The following CDH13 variants were observed in gnomAD, a reference collection of about 807,000 sequenced individuals.
CDH13 encodes the protein cadherin-13.
In CDH13, 24 loss-of-function variants were observed where a neutral mutation model predicts 63.8. That is an observed-to-expected ratio of 0.38 (90% CI 0.27 to 0.53). The LOEUF is 0.53. CDH13 is among the 20% of genes least tolerant of loss of function. CDH13 has a pLI of 0.85. For synonymous variants in CDH13, 503 were observed against 355.3 expected (o/e 1.42, Z -4.67); for missense variants, 1,049 against 903.1 (o/e 1.16, Z -2.07).
At chr16:82,943,538 T>G (rs1295444061) in intron 2 of CDH13, among the ~76,000 whole-genome samples, 1 of 152,206 alleles carries the variant, frequency 6.6e-6, no homozygotes, top group Non-Finnish European at 1.5e-5. Flanking sequence ...ATAGGCCCTT[T>G]CTTCCTTCCA....
intron 1 of CDH13, among the ~76,000 whole-genome samples, chr16:82,769,914 G>A (rs1480866703): frequency 6.6e-6 from 1 of 152,134 alleles, no homozygotes; most frequent in Non-Finnish European, 1.5e-5. Context: ...TGAGATTAAC[G>A]AGCCCATGAA....
chr16:82,664,311 T>G (rs918229986), intron 1 of CDH13, among the ~76,000 whole-genome samples: 8 of 152,226 alleles, frequency 5.3e-5, no homozygotes, highest in African/African-American at 1.9e-4. Flanking sequence ...GCATCCTGCT[T>G]CACTCTTGTC....
At chr16:83,005,052 A>C (rs1260384939) in intron 2 of CDH13, among the ~76,000 whole-genome samples, 2 of 152,184 alleles carry the variant, frequency 1.3e-5, no homozygotes, top group Non-Finnish European at 2.9e-5. Context: ...CCTGTTGAGC[A>C]GAGCTGAGTC....
At chr16:82,789,117 A>G (rs2036164018) in intron 1 of CDH13, among the ~76,000 whole-genome samples, 1 of 151,992 alleles carries the variant, frequency 6.6e-6, no homozygotes, top group African/African-American at 2.4e-5. Flanking sequence ...ACCTTTTTCC[A>G]TTTGTCTTGG....
intron 8 of CDH13, among the ~76,000 whole-genome samples, chr16:83,627,314 AT>A (rs1026389675): frequency 2.6e-5 from 4 of 152,080 alleles, no homozygotes; most frequent in Non-Finnish European, 5.9e-5. Flanking sequence ...AAAGATTCCT[AT>A]TCATGGACCT....
chr16:83,418,311 T>C (rs963247408), intron 6 of CDH13, among the ~76,000 whole-genome samples: 1 of 152,186 alleles, frequency 6.6e-6, no homozygotes, highest in Admixed American at 6.5e-5. Flanking sequence ...CAGTAACTGT[T>C]ACCAGCTGAA....
chr16:83,305,197 T>G (rs1325219634), intron 5 of CDH13, among the ~76,000 whole-genome samples: 1 of 152,160 alleles, frequency 6.6e-6, no homozygotes, highest in African/African-American at 2.4e-5. Context: ...GCTGACTCAT[T>G]TGTAGGCATC....
chr16:83,226,637 C>T (rs1178623914), intron 5 of CDH13, among the ~76,000 whole-genome samples: 2 of 152,172 alleles, frequency 1.3e-5, no homozygotes, highest in African/African-American at 4.8e-5. Context: ...AATTACTTGG[C>T]GGCATTTTCT....
chr16:83,511,157 C>G (rs1008536480), intron 7 of CDH13, among the ~76,000 whole-genome samples: 3 of 152,130 alleles, frequency 2.0e-5, no homozygotes, highest in African/African-American at 7.2e-5. Context: ...TGCACACACG[C>G]TCACACACAC....
chr16:83,148,915 A>G (rs2036862013), intron 4 of CDH13, among the ~76,000 whole-genome samples: 1 of 152,222 alleles, frequency 6.6e-6, no homozygotes, highest in Admixed American at 6.5e-5. Flanking sequence ...TAGCCTAAAG[A>G]AAATCTTATT....
At chr16:82,866,373 T>A (rs1229523783) in intron 2 of CDH13, among the ~76,000 whole-genome samples, 1 of 125,222 alleles carries the variant, frequency 8.0e-6, no homozygotes, top group East Asian at 4.8e-4. Context: ...TTCTTTTTCT[T>A]CTTCTTTTTT....
chr16:83,596,232 G>A (rs1225561718), intron 7 of CDH13, among the ~76,000 whole-genome samples: 2 of 152,214 alleles, frequency 1.3e-5, no homozygotes, highest in Non-Finnish European at 2.9e-5. Context: ...GACAAGTGAA[G>A]AGGCAGGTTG....
At chr16:82,667,528 G>C (rs1420688579) in intron 1 of CDH13, among the ~76,000 whole-genome samples, 2 of 152,170 alleles carry the variant, frequency 1.3e-5, no homozygotes, top group Non-Finnish European at 2.9e-5. Flanking sequence ...GTGCATGTAT[G>C]ATGGGGCTCC....
intron 1 of CDH13, among the ~76,000 whole-genome samples, chr16:82,674,526 G>C (rs762583847): frequency 6.6e-6 from 1 of 152,234 alleles, no homozygotes; most frequent in Non-Finnish European, 1.5e-5. Flanking sequence ...GCAAGTGCCT[G>C]AGTTGAAAAT....
intron 1 of CDH13, chr16:82,824,483 C>A (rs563475959): frequency 6.6e-6 from 1 of 152,084 alleles, no homozygotes; most frequent in Admixed American, 6.5e-5. Context: ...AGGCAGTAAC[C>A]ATCAATAAAA....
intron 1 of CDH13, among the ~76,000 whole-genome samples, chr16:82,744,173 C>T (rs1447039185): frequency 1.3e-5 from 2 of 152,194 alleles, no homozygotes; most frequent in East Asian, 1.9e-4. Context: ...GGATGGCAGC[C>T]TCTGCCAGCA....
intron 1 of CDH13, among the ~76,000 whole-genome samples, chr16:82,703,533 AG>A (rs1430093894): frequency 6.6e-6 from 1 of 152,214 alleles, no homozygotes; most frequent in Non-Finnish European, 1.5e-5. Flanking sequence ...AATGAGCTCC[AG>A]TAGCCCACAG....
In CDH13 at chr16:82,920,265, T is replaced by C. The variant is rs74033621; in HGVS notation, c.157+61792T>C. 8.2e-3 allele frequency among the ~76,000 whole-genome samples: 1,255 copies of C among 152,312 alleles called. 18 individuals are homozygous for C. The highest frequency in any genetic ancestry group is 0.029 in the African/African-American group (1,201 of 41,572). On this transcript the variant is annotated intron_variant, in intron 2 of 13. Transcript: ENST00000567109. The stretch of plus-strand genomic sequence containing the variant: ...GTCACCCCTTCCCAAACCTCTTACA[T>C]GTTTTTATTTTCCCATAAGTTCTCC...
intron 7 of CDH13, among the ~76,000 whole-genome samples, chr16:83,510,216 T>C (rs1477612877): frequency 6.6e-6 from 1 of 152,174 alleles, no homozygotes; most frequent in Admixed American, 6.5e-5. Flanking sequence ...GTGAAGAACA[T>C]TTTTTATTCA....
Sources: allele counts gnomAD v4.1 joint callset (sites outside exome capture counted in the v4.1 genomes callset), GRCh38; gene constraint gnomAD v4.1.1; transcripts MANE v1.5; gene names NCBI Gene and HGNC (gene_info 2026-07-23, HGNC 2026-07-21).